The following KIF2C variants were observed in gnomAD, a reference collection of about 807,000 sequenced individuals.
KIF2C encodes kinesin-like protein KIF2C.
In KIF2C, 34 loss-of-function variants were observed where a neutral mutation model predicts 97.4. The ratio of observed to expected loss-of-function variants is 0.35; its 90% CI spans 0.27 to 0.46. The LOEUF is 0.46. Ranked by LOEUF, KIF2C falls within the 20% of genes least tolerant of loss-of-function variation. The pLI, the probability that KIF2C is intolerant of heterozygous loss-of-function variation, is 1.00. For synonymous variants in KIF2C, 313 were observed against 318.2 expected (o/e 0.98, Z 0.17); for missense variants, 750 against 907.6 (o/e 0.83, Z 2.23).
At chr1:44,744,638 C>G (rs1445408892) in intron 2 of KIF2C, among the ~76,000 whole-genome samples, 2 of 151,994 alleles carry the variant, frequency 1.3e-5, no homozygotes, top group Non-Finnish European at 2.9e-5. Flanking sequence ...TGGTGGCTCA[C>G]ACTTGTAATC....
In KIF2C at chr1:44,746,795, A is replaced by C. The variant is rs768665585; in HGVS notation, c.166-589A>C. The C allele has an allele frequency of 3.8e-6, 6 of 1,587,618 alleles. No individual in the cohort carries two copies. In the African/African-American group the frequency reaches 8.1e-5, roughly 21 times the overall value. On this transcript the variant is annotated intron_variant, in intron 2 of 20. Coordinates refer to ENST00000372224, the MANE Select transcript of KIF2C (RefSeq NM_006845.4). The stretch of plus-strand genomic sequence containing the variant: ...ATTAAGGAGTAACTATTTGTTTTAT[A>C]GCTATTCATACTTAGTGGAACTTAA...
At chr1:44,758,015 C>T (rs1331124394) in intron 12 of KIF2C, 34 bp from the exon 13 acceptor site, 1 of 1,613,872 alleles carries the variant, frequency 6.2e-7, no homozygotes, top group Non-Finnish European at 8.5e-7. Flanking sequence ...CACAGAAAGG[C>T]AGGTTGTTTG....
chr1:44,763,861 C>T (rs1650299863), intron 19 of KIF2C, among the ~76,000 whole-genome samples: 1 of 152,088 alleles, frequency 6.6e-6, no homozygotes, highest in African/African-American at 2.4e-5. Context: ...TGGCGAAACC[C>T]CATGTCTACT....
Position 44,753,028 on chromosome 1 carries a change from G to A in KIF2C, c.440-104G>A, listed in dbSNP as rs192958831. Reference sequence around the variant, plus strand: ...CTCTGCACATACTGTAAGCCTTACCGAGCAGGCAGGTCGCTCTCCCGGCCC... The same window carrying A: ...CTCTGCACATACTGTAAGCCTTACCAAGCAGGCAGGTCGCTCTCCCGGCCC... On this transcript the variant is annotated intron_variant, in intron 5 of 20. Transcript: ENST00000372224. 98 of 1,391,154 alleles carry A rather than the reference G, an allele frequency of 7.0e-5. 1 individual carries two copies. Among genetic ancestry groups the A allele is most frequent in the Non-Finnish European group, 8.8e-5 (89 of 1,015,246 alleles). The allele number at this position is 1,391,154 out of a possible 1,614,324, so 86.2% of individuals were successfully genotyped here.
Position 44,767,547 on chromosome 1 carries a change from C to T in KIF2C, c.*368C>T, listed in dbSNP as rs1257874841. The T allele has an allele frequency of 1.8e-5, 4 of 225,658 alleles. No individual in the cohort carries two copies. Among genetic ancestry groups the T allele is most frequent in the South Asian group, 6.2e-5 (1 of 16,178 alleles). 14.0% of individuals were successfully genotyped at this position (225,658 alleles called of 1,614,324 possible). ...GTTGTCCTGGCTCTGGGGAGAGAGA[C>T]GGAGCCTTTAGTACAGCTATCTGCT... On this transcript the variant is annotated 3_prime_UTR_variant, in exon 21 of 21. Transcript: ENST00000372224.
At position 44,767,429 on chromosome 1, in the gene KIF2C, C is replaced by G. The variant is rs1573583877; in HGVS notation, c.*250C>G. 2.4e-6 allele frequency: 1 copy of G among 413,428 alleles called. No individual in the cohort carries two copies. The highest frequency in any genetic ancestry group is 5.0e-5 in the East Asian group (1 of 20,038). The allele number at this position is 413,428 out of a possible 1,614,324, so 25.6% of individuals were successfully genotyped here. On this transcript the variant is annotated 3_prime_UTR_variant, in exon 21 of 21. Transcript: ENST00000372224. ...GCTCTTAGTTACCCTTTTGTGTTGC[C>G]CTTCTTTCCATCAAGGGGAATGTTC...
intron 10 of KIF2C, among the ~76,000 whole-genome samples, 168 bp downstream of exon 10, chr1:44,756,405 T>A (rs1466069481): frequency 6.6e-6 from 1 of 152,054 alleles, no homozygotes; most frequent in African/African-American, 2.4e-5. Flanking sequence ...CATCCTTGAG[T>A]GGATACTGAA....
Position 44,746,618 on chromosome 1 carries a change from G to T in KIF2C, c.166-766G>T, listed in dbSNP as rs934504661. The T allele has an allele frequency of 5.4e-6, 8 of 1,478,670 alleles. No individual in the cohort carries two copies. In the Admixed American group the frequency reaches 1.0e-4, roughly 19 times the overall value. The allele number at this position is 1,478,670 out of a possible 1,614,324, so 91.6% of individuals were successfully genotyped here. A position where few individuals can be genotyped will look rare whatever the true frequency, so the allele number is the denominator to read the frequency against. ...CCCAGCAGGACCTCACTGCCCAGCA[G>T]ATCAGCAGGGGAGCCAAGTGGCCTA... On this transcript the variant is annotated intron_variant, in intron 2 of 20. Transcript: ENST00000372224.
intron 6 of KIF2C, among the ~76,000 whole-genome samples, 156 bp downstream of exon 6, chr1:44,753,410 C>T (rs1030224865): frequency 3.3e-5 from 5 of 152,220 alleles, no homozygotes; most frequent in African/African-American, 1.2e-4. Context: ...CTTTCATTAT[C>T]AAGACAAAAC....
At chr1:44,767,063 C>G in intron 20 of KIF2C, 34 bp from the exon 21 acceptor site, 1 of 1,610,210 alleles carries the variant, frequency 6.2e-7, no homozygotes. Context: ...CAGACTCTCA[C>G]TAACCCCATA....
chr1:44,740,913 G>T lies in KIF2C; in HGVS notation c.71G>T (p.Gly24Val). Residue 24 changes from glycine (G) to valine (V), a missense_variant and splice_region_variant, in exon 2 of 21, where the codon GGT (glycine) becomes GTT (valine). By Grantham distance (109) the Gly-to-Val change is moderately radical. Coordinates refer to ENST00000372224, the MANE Select transcript of KIF2C (RefSeq NM_006845.4). ...GLAIKIQRSN[G>V]LIHSANVRTV... ...ACTCTGGTTTTTTCATACTTTATAG[G>T]TTTAATTCACAGTGCCAATGTAAGG... 6.2e-7 allele frequency: 1 copy of T among 1,604,180 alleles called. No homozygotes were observed. Among genetic ancestry groups the T allele is most frequent in the Non-Finnish European group, 8.5e-7 (1 of 1,173,264 alleles).
chr1:44,757,871 G>T (rs1322581723), intron 11 of KIF2C, 37 bp from the exon 12 acceptor site: 4 of 1,603,674 alleles, frequency 2.5e-6, no homozygotes, highest in Non-Finnish European at 8.5e-7. Flanking sequence ...TAGGCCAACA[G>T]CCCTTTTCCA....
At position 44,739,894 on chromosome 1, in the gene KIF2C, C is replaced by T. The variant is rs201306754; in HGVS notation, c.-39C>T. 119 of 1,577,976 alleles carry T rather than the reference C, an allele frequency of 7.5e-5. No homozygotes were observed. The African/African-American group carries it at 1.5e-3, about 20-fold the overall frequency. ...CGTAGGGTTAGCGAAATTGAGGTTT[C>T]TTGGTATTGCGCGTTTCTCTTCCTT... is the stretch of plus-strand genomic sequence containing the variant. On this transcript the variant is annotated 5_prime_UTR_variant, in exon 1 of 21. Coordinates refer to ENST00000372224, the MANE Select transcript of KIF2C (RefSeq NM_006845.4).
At chr1:44,740,135 C>G (rs1041525540) in intron 1 of KIF2C, 133 bp downstream of exon 1, 9 of 1,062,816 alleles carry the variant, frequency 8.5e-6, no homozygotes, top group African/African-American at 6.2e-5. Context: ...GCACTCACTC[C>G]GGGTCTCTGC....
chr1:44,752,702 A>G (rs1037994282), intron 5 of KIF2C, among the ~76,000 whole-genome samples: 1 of 152,156 alleles, frequency 6.6e-6, no homozygotes, highest in East Asian at 1.9e-4. Flanking sequence ...CAATCTGGTT[A>G]GTTATTGCCC....
chr1:44,759,485 C>T (rs149986069), intron 14 of KIF2C, 137 bp downstream of exon 14: 23 of 1,044,322 alleles, frequency 2.2e-5, no homozygotes, highest in East Asian at 7.6e-5. Context: ...CTCTGCTTTA[C>T]GGGGTCTCAA....
At chr1:44,747,263 G>T (rs536696144) in intron 2 of KIF2C, 121 bp from the exon 3 acceptor site, 10 of 759,858 alleles carry the variant, frequency 1.3e-5, no homozygotes, top group East Asian at 5.7e-5. Context: ...AACCAAGATC[G>T]CACCACTGCC....
chr1:44,760,614 A>G lies in KIF2C; in HGVS notation c.1595A>G (p.Gln532Arg), dbSNP rs1206608870. The G allele has an allele frequency of 6.2e-7, 1 of 1,614,090 alleles. No individual in the cohort carries two copies. The highest frequency in any genetic ancestry group is 2.2e-5 in the East Asian group (1 of 44,896). The change falls in exon 16 of 21, where the codon CAG becomes CGG. Residue 532 changes from glutamine (Q) to arginine (R), a missense_variant. Transcript: ENST00000372224. The surrounding 1 kb of genome is among the most constrained non-coding windows in gnomAD (Gnocchi z 4.2). ...CAGGAGTGCATCAGGGCCCTGGGACAGAACAAGGCTCACACCCCGTTCCGT... is the reference window on the plus strand; with the variant it reads ...CAGGAGTGCATCAGGGCCCTGGGACGGAACAAGGCTCACACCCCGTTCCGT... ...ALKECIRALG[Q>R]NKAHTPFRES... is the part of the protein sequence containing the mutation.
intron 19 of KIF2C, among the ~76,000 whole-genome samples, chr1:44,764,895 A>C (rs770679520): frequency 6.6e-6 from 1 of 152,096 alleles, no homozygotes; most frequent in Non-Finnish European, 1.5e-5. Flanking sequence ...TGAGGCGGCC[A>C]CATCAACTAA....
Sources: gnomAD v4.1 joint callset for allele counts (sites outside exome capture counted in the v4.1 genomes callset) on GRCh38, gnomAD v4.1.1 for gene constraint, Gnocchi (gnomAD v3.1) non-coding constraint, MANE v1.5 for transcripts, NCBI Gene and HGNC (gene_info 2026-07-23, HGNC 2026-07-21) for gene names.